Variants in CCR6 observed in about 807,000 individuals in gnomAD.
CCR6 encodes the protein C-C motif chemokine receptor 6, also known as C-C chemokine receptor type 6.
In CCR6, 2 loss-of-function variants were observed where a neutral mutation model predicts 3.0. That is an observed-to-expected ratio of 0.66 (90% CI 0.27 to 2.07). The LOEUF (loss-of-function observed/expected upper bound fraction) is 2.07. Among genes scored for constraint, CCR6 ranks in the 30% most tolerant of loss-of-function variants. CCR6 has a pLI of 0.14. For synonymous variants in CCR6, 193 were observed against 184.3 expected (o/e 1.05, Z -0.38); for missense variants, 322 against 462.8 (o/e 0.70, Z 2.79).
intron 1 of CCR6, among the ~76,000 whole-genome samples, chr6:167,124,790 C>T (rs1781643577): frequency 9.1e-6 from 1 of 109,366 alleles, no homozygotes; most frequent in Admixed American, 9.9e-5. Flanking sequence ...TAATTTACAG[C>T]ATATGCGCGC....
upstream of CCR6, among the ~76,000 whole-genome samples, chr6:167,119,955 G>A (rs1268109944): frequency 6.6e-6 from 1 of 152,150 alleles, no homozygotes; most frequent in Admixed American, 6.5e-5. Flanking sequence ...CCTGGGGAGG[G>A]TTTTGTAAAA....
chr6:167,132,527 CTG>C (rs986265286), intron 1 of CCR6, among the ~76,000 whole-genome samples: 16 of 150,764 alleles, frequency 1.1e-4, no homozygotes, highest in African/African-American at 1.7e-4. Flanking sequence ...GTGTGTGTGT[CTG>C]TGTGTGTGTG....
At chr6:167,118,203 C>A (rs1781531589), upstream of CCR6, among the ~76,000 whole-genome samples, 1 of 152,164 alleles carries the variant, frequency 6.6e-6, no homozygotes, top group African/African-American at 2.4e-5. Context: ...ACCACCACGA[C>A]AACAATCATA....
intron 1 of CCR6, among the ~76,000 whole-genome samples, chr6:167,134,300 G>T (rs995436632): frequency 1.4e-4 from 22 of 152,014 alleles, no homozygotes; most frequent in African/African-American, 5.3e-4. Context: ...CGATTACCTC[G>T]TCACATGCTT....
At chr6:167,114,326 G>A (rs530888851) in intron 1 of CCR6, among the ~76,000 whole-genome samples, 1 of 152,314 alleles carries the variant, frequency 6.6e-6, no homozygotes, top group East Asian at 1.9e-4. Context: ...TGACTTAGCT[G>A]AGACGGTCTA....
At chr6:167,128,275 T>C (rs1240351604) in intron 1 of CCR6, among the ~76,000 whole-genome samples, 1 of 152,250 alleles carries the variant, frequency 6.6e-6, no homozygotes, top group Non-Finnish European at 1.5e-5. Context: ...CAGGGGGCCA[T>C]GATTCCGCTA....
upstream of CCR6, among the ~76,000 whole-genome samples, chr6:167,121,762 A>G (rs1781590753): frequency 6.6e-6 from 1 of 152,232 alleles, no homozygotes; most frequent in African/African-American, 2.4e-5. Context: ...AGAGGAAAAC[A>G]GCCAGGACTT....
At chr6:167,117,287 A>G (rs1256424769) in intron 1 of CCR6, among the ~76,000 whole-genome samples, 1 of 150,128 alleles carries the variant, frequency 6.7e-6, no homozygotes, top group Non-Finnish European at 1.5e-5. Flanking sequence ...GCTGCATCTT[A>G]TGTCAGAAGA....
intron 1 of CCR6, among the ~76,000 whole-genome samples, chr6:167,128,595 G>A (rs1195016435): frequency 3.3e-5 from 5 of 151,998 alleles, no homozygotes; most frequent in Admixed American, 3.3e-4. Context: ...TTTTTGAGAC[G>A]GAGTCTTGCT....
intron 1 of CCR6, among the ~76,000 whole-genome samples, chr6:167,124,799 G>GCACACA (rs3836950): frequency 6.6e-6 from 1 of 150,414 alleles, no homozygotes; most frequent in Admixed American, 6.6e-5. Flanking sequence ...GCATATGCGC[G>GCACACA]CACACACACA....
chr6:167,137,259 C>A lies in CCR6; in HGVS notation c.1029C>A (p.Ser343=), dbSNP rs769049103. The change falls in exon 3 of 3, where the codon TCC becomes TCA. Residue 343 remains serine (S), a synonymous_variant. Coordinates refer to ENST00000341935, the MANE Select transcript of CCR6 (RefSeq NM_031409.4). This position sits in a 1 kb window ranked among gnomAD's most constrained non-coding sequence, Gnocchi z 4.6. ...DLWCVRRKYK[S]SGFSCAGRYS... ...GGTGTGTGAGAAGGAAGTACAAGTCCTCAGGCTTCTCCTGTGCCGGGAGGT... is the reference window on the plus strand; with the variant it reads ...GGTGTGTGAGAAGGAAGTACAAGTCATCAGGCTTCTCCTGTGCCGGGAGGT... 6.2e-7 allele frequency: 1 copy of A among 1,614,136 alleles called. No individual in the cohort carries two copies. Among genetic ancestry groups the A allele is most frequent in the Non-Finnish European group, 8.5e-7 (1 of 1,180,030 alleles).
At position 167,123,650 on chromosome 6, in the gene CCR6, C is replaced by T. The variant is rs1037551124; in HGVS notation, c.-98+427C>T. ...AATGAAGGCTGATGAGTGGGCATCC[C>T]GGACAGCCTAAGATTGAGCAGGAAG... On this transcript the variant is annotated intron_variant, in intron 1 of 2. Transcript: ENST00000341935. Among the ~76,000 whole-genome samples the T allele has an allele frequency of 3.9e-5, 6 of 152,306 alleles. No individual in the cohort carries two copies. In the Middle Eastern group the frequency reaches 0.01, roughly 259 times the overall value.
In CCR6 at chr6:167,136,210, C is replaced by T; in HGVS notation, c.10-30C>T. 6.2e-7 allele frequency: 1 copy of T among 1,608,736 alleles called. No individual in the cohort carries two copies. Among genetic ancestry groups the T allele is most frequent in the Non-Finnish European group, 8.5e-7 (1 of 1,177,082 alleles). On this transcript the variant is annotated intron_variant, in intron 2 of 2. Transcript: ENST00000341935. This position sits in a 1 kb window ranked among gnomAD's most constrained non-coding sequence, Gnocchi z 4.6. ...CTGTGGCTACTTGAACACTACACTG[C>T]AGCTAACTCTATCTTTGTTTCCTTT... is the stretch of plus-strand genomic sequence containing the variant.
chr6:167,115,107 G>C (rs1485236838), intron 1 of CCR6: 1 of 152,238 alleles, frequency 6.6e-6, no homozygotes, highest in African/African-American at 2.4e-5. Context: ...TAAAGAATCT[G>C]TCTCCTCCGA....
Position 167,136,078 on chromosome 6 carries a change from A to T in CCR6, c.-57A>T, listed in dbSNP as rs775694838. ...CCTGCTACCGCTGCCTGTGAGCTGA[A>T]GGGGCTGAACCATACACTCCTTTTT... On this transcript the variant is annotated 5_prime_UTR_variant, in exon 2 of 3. It adds an upstream start codon to the 5' untranslated region. Transcript: ENST00000341935. The surrounding 1 kb of genome is among the most constrained non-coding windows in gnomAD (Gnocchi z 4.6). 4 of 1,591,280 alleles carry T rather than the reference A, an allele frequency of 2.5e-6. No homozygotes were observed. Among genetic ancestry groups the T allele is most frequent in the Non-Finnish European group, 3.4e-6 (4 of 1,170,280 alleles).
rs1781850650 is a variant in CCR6, at chr6:167,136,391, C to T, written c.161C>T (p.Ser54Phe). Residue 54 changes from serine (S) to phenylalanine (F), a missense_variant, in exon 3 of 3, where the codon TCC (serine) becomes TTC (phenylalanine). Coordinates refer to ENST00000341935, the MANE Select transcript of CCR6 (RefSeq NM_031409.4). This position sits in a 1 kb window ranked among gnomAD's most constrained non-coding sequence, Gnocchi z 4.6. ...FSRLFVPIAYSLICVFGLLGN... is the reference protein window; with the variant it reads ...FSRLFVPIAYFLICVFGLLGN... ...AGGCTATTTGTACCGATTGCCTACTCCTTGATCTGTGTCTTTGGCCTCCTG... is the reference window on the plus strand; with the variant it reads ...AGGCTATTTGTACCGATTGCCTACTTCTTGATCTGTGTCTTTGGCCTCCTG... The T allele has an allele frequency of 6.2e-7, 1 of 1,614,004 alleles. No homozygotes were observed. Among genetic ancestry groups the T allele is most frequent in the African/African-American group, 1.3e-5 (1 of 74,920 alleles).
rs1394647982 is a variant in CCR6, at chr6:167,136,859, G to A, written c.629G>A (p.Trp210Ter). Residue 210 changes from tryptophan (W) to a stop codon, truncating the protein, a stop_gained, in exon 3 of 3, where the codon TGG becomes TAG. Coordinates refer to ENST00000341935, the MANE Select transcript of CCR6 (RefSeq NM_031409.4). LOFTEE classifies it low-confidence loss of function (END_TRUNC). This position sits in a 1 kb window ranked among gnomAD's most constrained non-coding sequence, Gnocchi z 4.6. ...CAGACTGTCTCGGAGCCCATCAGGTGGAAGCTGCTGATGTTGGGGCTTGAG... is the reference window on the plus strand; with the variant it reads ...CAGACTGTCTCGGAGCCCATCAGGTAGAAGCTGCTGATGTTGGGGCTTGAG... Reference protein sequence around the residue: ...KYQTVSEPIRWKLLMLGLELL... With the variant: ...KYQTVSEPIR 1.2e-6 allele frequency: 2 copies of A among 1,614,158 alleles called. No homozygotes were observed. The highest frequency in any genetic ancestry group is 1.7e-6 in the Non-Finnish European group (2 of 1,180,022).
chr6:167,122,618 G>A (rs1230913930), upstream of CCR6, among the ~76,000 whole-genome samples: 6 of 152,188 alleles, frequency 3.9e-5, no homozygotes. This position sits in a 1 kb window ranked among gnomAD's most constrained non-coding sequence, Gnocchi z 4.2. Context: ...TGAGGTTAGA[G>A]CTGTCATGGT....
chr6:167,133,898 T>C (rs955061206), intron 1 of CCR6, among the ~76,000 whole-genome samples: 1 of 145,902 alleles, frequency 6.9e-6, no homozygotes, highest in African/African-American at 2.6e-5. Context: ...ATTGTATATA[T>C]AATTATTGAT....
Sources: gnomAD v4.1 joint callset for allele counts (sites outside exome capture counted in the v4.1 genomes callset) on GRCh38, gnomAD v4.1.1 for gene constraint, Gnocchi (gnomAD v3.1) non-coding constraint, MANE v1.5 for transcripts, NCBI Gene and HGNC (gene_info 2026-07-23, HGNC 2026-07-21) for gene names.